FTO: variants seen among roughly 807,000 people sequenced by gnomAD.
FTO encodes FTO alpha-ketoglutarate dependent dioxygenase.
A neutral mutation model predicts 63.9 loss-of-function variants in FTO; 47 were observed. The observed-to-expected ratio is 0.74, with a 90% CI of 0.58 to 0.94. The LOEUF is 0.94. Ranked by LOEUF, FTO falls within the 40% of genes least tolerant of loss-of-function variation. The probability of loss-of-function intolerance (pLI) is 0.00; values close to 1 mark genes in which losing one functional copy is unlikely to be tolerated. For missense variants in FTO, 562 were observed against 618.1 expected (o/e 0.91, Z 0.96); for synonymous variants, 207 against 224.4 (o/e 0.92, Z 0.69).
intron 1 of FTO, among the ~76,000 whole-genome samples, chr16:53,796,197 A>T (rs2078066752): frequency 6.6e-6 from 1 of 151,990 alleles, no homozygotes; most frequent in East Asian, 1.9e-4. Flanking sequence ...GACATGTGCC[A>T]CCATGCCCAG....
chr16:53,861,698 A>G (rs72805659), intron 4 of FTO, among the ~76,000 whole-genome samples: 8 of 152,350 alleles, frequency 5.3e-5, no homozygotes, highest in Admixed American at 2.0e-4. Context: ...ATTAAATTAA[A>G]TAACAATATT....
At chr16:53,946,730 G>A (rs1334025332) in intron 8 of FTO, among the ~76,000 whole-genome samples, 1 of 152,142 alleles carries the variant, frequency 6.6e-6, no homozygotes, top group African/African-American at 2.4e-5. Context: ...GACAGCCATT[G>A]TATCTGTCCA....
intron 8 of FTO, among the ~76,000 whole-genome samples, chr16:53,963,075 A>G (rs1459473422): frequency 1.3e-5 from 2 of 152,206 alleles, no homozygotes; most frequent in Non-Finnish European, 2.9e-5. Flanking sequence ...TAGGTATTTT[A>G]AAACAGTATA....
At chr16:53,911,307 C>T (rs1005462230) in intron 7 of FTO, 20 of 694,936 alleles carry the variant, frequency 2.9e-5, no homozygotes, top group East Asian at 1.1e-4. Flanking sequence ...GAAGGACAGG[C>T]GCAGAACAGT....
In FTO at chr16:53,939,579, A is replaced by G. The variant is rs529557971; in HGVS notation, c.1364+5470A>G. 5.9e-4 allele frequency among the ~76,000 whole-genome samples: 90 copies of G among 152,340 alleles called. 1 individual carries two copies. The highest frequency in any genetic ancestry group is 2.1e-3 in the African/African-American group (88 of 41,570). On this transcript the variant is annotated intron_variant, in intron 8 of 8. Transcript: ENST00000471389. ...CAATTCCAGAGCATCTTCCTTCCCC[A>G]GAAATGAAACCCGGCATCTGTTAAC...
At chr16:53,860,149 TAAAAA>T (rs1475935797) in intron 4 of FTO, among the ~76,000 whole-genome samples, 1 of 152,136 alleles carries the variant, frequency 6.6e-6, no homozygotes, top group African/African-American at 2.4e-5. Context: ...TACTCAGTCT[TAAAAA>T]AGAAGGAAAT....
At chr16:54,010,766 G>A (rs189932643) in intron 8 of FTO, among the ~76,000 whole-genome samples, 3 of 152,272 alleles carry the variant, frequency 2.0e-5, no homozygotes, top group South Asian at 2.1e-4. Flanking sequence ...TGTGCCCCTG[G>A]GTGAACGGCC....
chr16:53,822,382 T>C (rs1417857179), intron 2 of FTO, among the ~76,000 whole-genome samples: 5 of 152,200 alleles, frequency 3.3e-5, no homozygotes, highest in Non-Finnish European at 4.4e-5. Flanking sequence ...GATCACATAC[T>C]CTTATCAGTA....
intron 8 of FTO, among the ~76,000 whole-genome samples, chr16:54,023,244 C>T (rs1300796690): frequency 6.6e-6 from 1 of 152,066 alleles, no homozygotes; most frequent in Non-Finnish European, 1.5e-5. Flanking sequence ...AACAGCAAAC[C>T]GGGGTAACTT....
chr16:53,832,179 C>T (rs1395922065), intron 3 of FTO, among the ~76,000 whole-genome samples: 1 of 152,170 alleles, frequency 6.6e-6, no homozygotes, highest in Admixed American at 6.5e-5. Context: ...TGGCATCTCC[C>T]ATTTGTCAAG....
intron 1 of FTO, 93 bp downstream of exon 1, chr16:53,704,322 C>T: frequency 8.1e-7 from 1 of 1,235,986 alleles, no homozygotes; most frequent in Non-Finnish European, 1.2e-6. Context: ...AGCGGATGCG[C>T]GGTGTTAAAC....
intron 8 of FTO, among the ~76,000 whole-genome samples, chr16:53,973,674 T>A (rs1342404396): frequency 6.6e-6 from 1 of 151,964 alleles, no homozygotes; most frequent in Non-Finnish European, 1.5e-5. Context: ...CAAATTCAGT[T>A]GCCAACAGGG....
At chr16:53,831,291 T>C (rs559592714) in intron 3 of FTO, among the ~76,000 whole-genome samples, 1 of 152,320 alleles carries the variant, frequency 6.6e-6, no homozygotes, top group South Asian at 2.1e-4. Context: ...CTTTTTTTTA[T>C]TGTATCATGC....
chr16:54,100,868 G>T (rs1055669547), intron 8 of FTO, among the ~76,000 whole-genome samples: 2 of 152,168 alleles, frequency 1.3e-5, no homozygotes, highest in African/African-American at 4.8e-5. Context: ...GGCTTGGGAG[G>T]TGCCCTGGTG....
intron 8 of FTO, among the ~76,000 whole-genome samples, chr16:54,059,128 G>A (rs1489336762): frequency 6.6e-6 from 1 of 152,170 alleles, no homozygotes; most frequent in Non-Finnish European, 1.5e-5. Context: ...CAATTCAAGT[G>A]TAAAATTGGG....
At chr16:53,919,981 G>A (rs1190377930) in intron 7 of FTO, among the ~76,000 whole-genome samples, 2 of 152,112 alleles carry the variant, frequency 1.3e-5, no homozygotes, top group African/African-American at 4.8e-5. Flanking sequence ...AAAACCTACT[G>A]AAATAATAAT....
chr16:54,075,754 T>G (rs1385219425), intron 8 of FTO, among the ~76,000 whole-genome samples: 1 of 152,248 alleles, frequency 6.6e-6, no homozygotes, highest in Non-Finnish European at 1.5e-5. Flanking sequence ...TGACATGCTA[T>G]AAATGAAATT....
At chr16:53,748,019 C>T (rs1382069106) in intron 1 of FTO, among the ~76,000 whole-genome samples, 3 of 152,098 alleles carry the variant, frequency 2.0e-5, no homozygotes, top group Non-Finnish European at 4.4e-5. Flanking sequence ...TTGATGAGCC[C>T]ATTTTTCACT....
chr16:54,070,951 A>G (rs1165293027), intron 8 of FTO: 1 of 152,244 alleles, frequency 6.6e-6, no homozygotes, highest in Admixed American at 6.5e-5. Context: ...ACTTGCTCTC[A>G]AGACTGACTC....
Sources: gnomAD v4.1 joint callset for allele counts (sites outside exome capture counted in the v4.1 genomes callset) on GRCh38, gnomAD v4.1.1 for gene constraint, MANE v1.5 for transcripts, NCBI Gene and HGNC (gene_info 2026-07-23, HGNC 2026-07-21) for gene names.